The following P2RY14 variants were observed in gnomAD, a reference collection of about 807,000 sequenced individuals.
P2RY14 encodes P2Y purinoceptor 14.
In P2RY14, 2 loss-of-function variants were observed where a neutral mutation model predicts 0.9. The ratio of observed to expected loss-of-function variants is 2.16; its 90% CI spans 0.88 to 6.79. P2RY14 has a LOEUF of 6.79. Among genes scored for constraint, P2RY14 ranks in the 30% most tolerant of loss-of-function variants. The probability of loss-of-function intolerance (pLI) is 0.05; values close to 1 mark genes in which losing one functional copy is unlikely to be tolerated. For missense variants in P2RY14, 378 were observed against 400.1 expected (o/e 0.94, Z 0.47); for synonymous variants, 158 against 147.2 (o/e 1.07, Z -0.53).
Position 151,241,645 on chromosome 3 carries a change from TA to T in P2RY14, c.-132-22004del, listed in dbSNP as rs1734108647. Among the ~76,000 whole-genome samples the T allele has an allele frequency of 3.3e-5, 5 of 152,186 alleles. No individual in the cohort carries two copies. In the South Asian group the frequency reaches 1.0e-3, roughly 32 times the overall value. Reference sequence around the variant, plus strand: ...GTGTGTATATACACACACAGTAGGATATTTTATATATGTATATACACACATA... The same window carrying T: ...GTGTGTATATACACACACAGTAGGATTTTTATATATGTATATACACACATA... On this transcript the variant is annotated intron_variant, in intron 1 of 2. Coordinates refer to ENST00000309170, the MANE Select transcript of P2RY14 (RefSeq NM_014879.4).
chr3:151,247,726 CA>C (rs1288328289), intron 1 of P2RY14, among the ~76,000 whole-genome samples: 1 of 137,454 alleles, frequency 7.3e-6, no homozygotes, highest in Non-Finnish European at 1.6e-5. Flanking sequence ...CTAACCTGCA[CA>C]ATGTGCACAT....
At chr3:151,227,390 C>G (rs1320233227) in intron 1 of P2RY14, among the ~76,000 whole-genome samples, 4 of 152,114 alleles carry the variant, frequency 2.6e-5, no homozygotes, top group Non-Finnish European at 4.4e-5. Flanking sequence ...CAAACAGATC[C>G]AACTCTTGAT....
At chr3:151,261,725 TTTGTTG>T (rs1315822284) in intron 1 of P2RY14, among the ~76,000 whole-genome samples, 1 of 151,356 alleles carries the variant, frequency 6.6e-6, no homozygotes, top group Non-Finnish European at 1.5e-5. Flanking sequence ...TTGTTTTGTT[TTTGTTG>T]TGTTGTGTTT....
chr3:151,229,930 TTA>T (rs1336258465), intron 1 of P2RY14, among the ~76,000 whole-genome samples: 16 of 152,120 alleles, frequency 1.1e-4, no homozygotes, highest in South Asian at 1.0e-3. Flanking sequence ...CCTTTACTTT[TTA>T]TGAGTCCTAG....
chr3:151,256,337 C>T (rs1288372215), intron 1 of P2RY14, among the ~76,000 whole-genome samples: 3 of 152,142 alleles, frequency 2.0e-5, no homozygotes. Flanking sequence ...ACATTTTTGC[C>T]TCAACATGCC....
Position 151,214,359 on chromosome 3 carries a change from T to C in P2RY14, c.-24-19A>G. On this transcript the variant is annotated intron_variant, in intron 2 of 2. Coordinates refer to ENST00000309170, the MANE Select transcript of P2RY14 (RefSeq NM_014879.4). ...CAGAGGCCTGAAAAGAGGTGTGAAC[T>C]GGTCACTCATAGGGCACTTATGGCC... 1 of 1,538,140 alleles carries C rather than the reference T, an allele frequency of 6.5e-7. No individual in the cohort carries two copies. The highest frequency in any genetic ancestry group is 8.9e-7 in the Non-Finnish European group (1 of 1,125,414).
chr3:151,239,751 T>C (rs1334481842), intron 1 of P2RY14, among the ~76,000 whole-genome samples: 3 of 152,322 alleles, frequency 2.0e-5, no homozygotes, highest in East Asian at 3.9e-4. Flanking sequence ...CTATATTTTC[T>C]GATAAGAGAT....
At chr3:151,270,071 A>T (rs1415180263) in intron 1 of P2RY14, 1 of 227,612 alleles carries the variant, frequency 4.4e-6, no homozygotes, top group Non-Finnish European at 8.6e-6. Flanking sequence ...AAGGATGAAG[A>T]TGAAGAAGAT....
At chr3:151,223,784 A>G (rs374992849) in intron 1 of P2RY14, among the ~76,000 whole-genome samples, 1 of 152,212 alleles carries the variant, frequency 6.6e-6, no homozygotes, top group Non-Finnish European at 1.5e-5. Flanking sequence ...CCAAAAGCTC[A>G]GTGTCACACA....
chr3:151,254,977 C>CT lies in P2RY14; in HGVS notation c.-133+23309dup, dbSNP rs773535984. 1.4e-4 allele frequency among the ~76,000 whole-genome samples: 22 copies of CT among 152,102 alleles called. No individual in the cohort carries two copies. The East Asian group carries it at 2.1e-3, about 15-fold the overall frequency. On this transcript the variant is annotated intron_variant, in intron 1 of 2. Transcript: ENST00000309170. Reference sequence around the variant, plus strand: ...GATTCTGATACTTTGCCTTGCTGCTCTTTTTTTTGTAGTTTTCCCAGAAAC... The same window carrying CT: ...GATTCTGATACTTTGCCTTGCTGCTCTTTTTTTTTGTAGTTTTCCCAGAAAC...
chr3:151,275,979 T>C (rs1355504234), intron 1 of P2RY14, among the ~76,000 whole-genome samples: 1 of 152,188 alleles, frequency 6.6e-6, no homozygotes, highest in Non-Finnish European at 1.5e-5. Flanking sequence ...AGACAGCATC[T>C]GGCCAATGAA....
chr3:151,246,898 A>T (rs967929441), intron 1 of P2RY14, among the ~76,000 whole-genome samples: 3 of 152,258 alleles, frequency 2.0e-5, no homozygotes, highest in Admixed American at 6.5e-5. Flanking sequence ...TCCAGAATCT[A>T]CAATGAACTG....
intron 1 of P2RY14, among the ~76,000 whole-genome samples, chr3:151,250,523 A>G (rs933979428): frequency 6.6e-6 from 1 of 152,180 alleles, no homozygotes; most frequent in African/African-American, 2.4e-5. Flanking sequence ...GGAATCATAC[A>G]GTATTTGTCC....
chr3:151,269,979 T>A (rs1268364481), intron 1 of P2RY14: 3 of 309,206 alleles, frequency 9.7e-6, no homozygotes, highest in Non-Finnish European at 1.9e-5. Context: ...CAGTACTACT[T>A]GGTTTTCAAT....
intron 1 of P2RY14, among the ~76,000 whole-genome samples, chr3:151,263,291 G>A (rs1739240339): frequency 6.6e-6 from 1 of 152,134 alleles, no homozygotes; most frequent in Non-Finnish European, 1.5e-5. Flanking sequence ...CCAGCTGAGT[G>A]GACCTCCCCA....
chr3:151,214,762 C>T (rs1023392033), intron 2 of P2RY14, among the ~76,000 whole-genome samples: 2 of 152,082 alleles, frequency 1.3e-5, no homozygotes, highest in African/African-American at 4.8e-5. Context: ...AATAATGGTT[C>T]CCTATAAAAC....
At chr3:151,270,572 A>C (rs954039082) in intron 1 of P2RY14, among the ~76,000 whole-genome samples, 1 of 152,106 alleles carries the variant, frequency 6.6e-6, no homozygotes, top group East Asian at 1.9e-4. Flanking sequence ...TCTCTGCGTG[A>C]ATATGGATAG....
chr3:151,270,960 A>G (rs187609531), intron 1 of P2RY14, among the ~76,000 whole-genome samples: 2 of 152,148 alleles, frequency 1.3e-5, no homozygotes, highest in African/African-American at 4.8e-5. Flanking sequence ...TTAAATGTTA[A>G]AAGTGTACAA....
chr3:151,262,867 C>T (rs904224058), intron 1 of P2RY14, among the ~76,000 whole-genome samples: 1 of 152,206 alleles, frequency 6.6e-6, no homozygotes, highest in South Asian at 2.1e-4. Context: ...GTTAACGTCT[C>T]CTCAGTTAAA....
Sources: allele counts gnomAD v4.1 joint callset (sites outside exome capture counted in the v4.1 genomes callset), GRCh38; gene constraint gnomAD v4.1.1; transcripts MANE v1.5; gene names NCBI Gene and HGNC (gene_info 2026-07-23, HGNC 2026-07-21).